Variants in CPB2 observed in about 807,000 individuals in gnomAD.
The protein encoded by CPB2 is carboxypeptidase B-like protein.
Under a neutral mutation model 57.0 loss-of-function variants are expected in CPB2, and 54 were observed. The observed-to-expected ratio is 0.95, with a 90% CI of 0.76 to 1.19. CPB2 has a LOEUF of 1.19. Among genes scored for constraint, CPB2 ranks in the 50% most tolerant of loss-of-function variants. The pLI is 0.00. For synonymous variants in CPB2, 189 were observed against 178.1 expected (o/e 1.06, Z -0.49); for missense variants, 426 against 512.0 (o/e 0.83, Z 1.62).
intron 2 of CPB2, 138 bp from the exon 3 acceptor site, chr13:46,084,481 C>T: frequency 1.3e-6 from 1 of 775,864 alleles, no homozygotes; most frequent in South Asian, 2.2e-5. Context: ...CATCCACACA[C>T]ATGGTAATAT....
chr13:46,100,534 A>G (rs1048383562), intron 1 of CPB2: 4 of 152,108 alleles, frequency 2.6e-5, no homozygotes, highest in Admixed American at 2.0e-4. Context: ...CACCCTCCCA[A>G]AGGGATGAAG....
intron 1 of CPB2, among the ~76,000 whole-genome samples, chr13:46,095,648 T>C (rs954552334): frequency 6.6e-6 from 1 of 152,180 alleles, no homozygotes; most frequent in African/African-American, 2.4e-5. Flanking sequence ...CCAGTGCATA[T>C]TTACAGTCTT....
At chr13:46,069,311 C>T (rs2044902897) in intron 6 of CPB2, among the ~76,000 whole-genome samples, 1 of 152,144 alleles carries the variant, frequency 6.6e-6, no homozygotes, top group Non-Finnish European at 1.5e-5. Context: ...GAAGGGGTGC[C>T]CATTTTTTCT....
At chr13:46,099,606 A>G (rs1197644279) in intron 1 of CPB2, 1 of 152,248 alleles carries the variant, frequency 6.6e-6, no homozygotes, top group Non-Finnish European at 1.5e-5. Flanking sequence ...TGACTAGAGC[A>G]TAATATGTCT....
intron 2 of CPB2, among the ~76,000 whole-genome samples, chr13:46,087,019 C>G (rs1475867623): frequency 6.6e-6 from 1 of 152,238 alleles, no homozygotes; most frequent in African/African-American, 2.4e-5. Flanking sequence ...AATGAGGGTC[C>G]TTCTCAGAAC....
chr13:46,055,178 C>G (rs2044680892), intron 10 of CPB2, among the ~76,000 whole-genome samples: 1 of 151,976 alleles, frequency 6.6e-6, no homozygotes, highest in Admixed American at 6.6e-5. Context: ...CATCTCCCTT[C>G]AAACTTCAAA....
chr13:46,087,834 T>A lies in CPB2; in HGVS notation c.75-14A>T, dbSNP rs765738332. 5 of 1,557,302 alleles carry A rather than the reference T, an allele frequency of 3.2e-6. No individual in the cohort carries two copies. In the Admixed American group the frequency reaches 5.2e-5, roughly 16 times the overall value. On this transcript the variant is annotated splice_polypyrimidine_tract_variant and intron_variant, in intron 1 of 10. Transcript: ENST00000181383. The stretch of plus-strand genomic sequence containing the variant: ...AGAACTTGGCCACTGGGGAAAAAAA[T>A]AAAAGAGGATTTTGATATTAAATAA...
chr13:46,096,856 C>G (rs2404965), intron 1 of CPB2, among the ~76,000 whole-genome samples: 30,035 of 152,098 alleles, frequency 0.2, 3,580 homozygotes, highest in Non-Finnish European at 0.28. Flanking sequence ...AGAGGGAAAT[C>G]GTCCCAAATA....
At chr13:46,090,362 C>CTTTTTTTTTTTTT (rs11458090) in intron 1 of CPB2, among the ~76,000 whole-genome samples, 1 of 125,820 alleles carries the variant, frequency 7.9e-6, no homozygotes, top group Non-Finnish European at 1.6e-5. Flanking sequence ...TTTGTCTATT[C>CTTTTTTTTTTTTT]TTTTTTTTTT....
intron 1 of CPB2, among the ~76,000 whole-genome samples, chr13:46,103,986 A>G (rs148005457): frequency 1.3e-5 from 2 of 152,370 alleles, no homozygotes; most frequent in East Asian, 1.9e-4. Context: ...TGTTGAACAA[A>G]AGAAGATCAA....
chr13:46,054,823 T>C (rs1171179342), intron 10 of CPB2, among the ~76,000 whole-genome samples: 1 of 130,208 alleles, frequency 7.7e-6, no homozygotes, highest in Non-Finnish European at 1.6e-5. Flanking sequence ...CAATCTCAGC[T>C]CATTGCCACC....
chr13:46,067,426 T>TA lies in CPB2; in HGVS notation c.592-10dup, dbSNP rs2044873803. The TA allele has an allele frequency of 7.9e-7, 1 of 1,268,076 alleles. No individual in the cohort carries two copies. Among genetic ancestry groups the TA allele is most frequent in the African/African-American group, 1.5e-5 (1 of 67,436 alleles). The allele number at this position is 1,268,076 out of a possible 1,614,324, so 78.6% of individuals were successfully genotyped here. A position where few individuals can be genotyped will look rare whatever the true frequency, so the allele number is the denominator to read the frequency against. On this transcript the variant is annotated splice_polypyrimidine_tract_variant and intron_variant, in intron 6 of 10. Transcript: ENST00000181383. Reference sequence around the variant, plus strand: ...CCATAGAATTGAGTTATCTGCAAATTAAACCAAGTATATTTAATTAGATGT... The same window carrying TA: ...CCATAGAATTGAGTTATCTGCAAATTAAAACCAAGTATATTTAATTAGATGT...
At chr13:46,083,137 G>A (rs2045146117) in intron 3 of CPB2, among the ~76,000 whole-genome samples, 1 of 152,072 alleles carries the variant, frequency 6.6e-6, no homozygotes, top group African/African-American at 2.4e-5. Flanking sequence ...TATCGCCTGA[G>A]ATGGACAAGT....
At chr13:46,086,695 T>C (rs1287779807) in intron 2 of CPB2, among the ~76,000 whole-genome samples, 4 of 152,232 alleles carry the variant, frequency 2.6e-5, no homozygotes, top group Non-Finnish European at 5.9e-5. Flanking sequence ...CGCCCTTTTC[T>C]GCCTAGGATC....
chr13:46,104,908 A>G, intron 1 of CPB2, 28 bp downstream of exon 1: 3 of 1,613,634 alleles, frequency 1.9e-6, no homozygotes, highest in Non-Finnish European at 2.5e-6. Flanking sequence ...AGAGTGGCCC[A>G]CCACAGTCTA....
chr13:46,073,366 A>T (rs1031300948), intron 6 of CPB2: 1 of 393,912 alleles, frequency 2.5e-6, no homozygotes, highest in South Asian at 1.0e-4. Flanking sequence ...TTTGTCTTAT[A>T]TATGGCTTTT....
At chr13:46,078,023 A>G (rs1418568401) in intron 5 of CPB2, among the ~76,000 whole-genome samples, 1 of 152,102 alleles carries the variant, frequency 6.6e-6, no homozygotes, top group East Asian at 1.9e-4. Context: ...GGTGACGAGA[A>G]TCAACAATAT....
intron 9 of CPB2, among the ~76,000 whole-genome samples, chr13:46,057,602 G>T (rs1260672618): frequency 6.6e-6 from 1 of 152,152 alleles, no homozygotes; most frequent in Non-Finnish European, 1.5e-5. Flanking sequence ...GGACTAAAAA[G>T]TGCTAAGGGA....
intron 1 of CPB2, among the ~76,000 whole-genome samples, chr13:46,092,065 T>C (rs2045301443): frequency 6.6e-6 from 1 of 152,232 alleles, no homozygotes; most frequent in Non-Finnish European, 1.5e-5. Flanking sequence ...AGATTTTTCT[T>C]TTATTTTCAA....
Sources: gnomAD v4.1 joint callset for allele counts (sites outside exome capture counted in the v4.1 genomes callset) on GRCh38, gnomAD v4.1.1 for gene constraint, MANE v1.5 for transcripts, NCBI Gene and HGNC (gene_info 2026-07-23, HGNC 2026-07-21) for gene names.